The following KRT72 variants were observed in gnomAD, a reference collection of about 807,000 sequenced individuals.
The protein encoded by KRT72 is keratin 72.
In KRT72, 44 loss-of-function variants were observed where a neutral mutation model predicts 44.7. That is an observed-to-expected ratio of 0.98 (90% CI 0.77 to 1.27). The LOEUF (loss-of-function observed/expected upper bound fraction) is 1.27, where lower values mean the gene tolerates loss of function less well. KRT72 is among the 50% of genes most tolerant of loss of function. The pLI is 0.00. For synonymous variants in KRT72, 302 were observed against 280.4 expected (o/e 1.08, Z -0.77); for missense variants, 736 against 667.1 (o/e 1.10, Z -1.14).
chr12:52,602,244 G>T (rs1047441807), upstream of KRT72, among the ~76,000 whole-genome samples: 3 of 152,198 alleles, frequency 2.0e-5, no homozygotes, highest in Non-Finnish European at 4.4e-5. Context: ...GTTTCCTAAG[G>T]CTTTCGGTTG....
intron 7 of KRT72, 50 bp downstream of exon 7, chr12:52,587,581 C>T (rs747278068): frequency 1.0e-5 from 16 of 1,598,744 alleles, no homozygotes; most frequent in Non-Finnish European, 1.4e-5. Flanking sequence ...GAGCTTCCTA[C>T]CAAAGCAGAG....
In KRT72 at chr12:52,601,180, C is replaced by T; in HGVS notation, c.273G>A (p.Val91=). Residue 91 remains valine (V), a synonymous_variant, in exon 1 of 9, where the codon GTG becomes GTA. Coordinates refer to ENST00000293745, the MANE Select transcript of KRT72 (RefSeq NM_080747.3). ...SAGLGPKCPS[V]CPPGGIPQVT... is the part of the protein sequence containing the mutation. ...CCTGAGGGATGCCCCCGGGTGGGCA[C>T]ACGGAGGGACACTTGGGCCCCAGCC... The T allele has an allele frequency of 6.2e-7, 1 of 1,613,066 alleles. No homozygotes were observed. Among genetic ancestry groups the T allele is most frequent in the Non-Finnish European group, 8.5e-7 (1 of 1,179,444 alleles).
At chr12:52,589,434 A>T (rs190241082) in intron 6 of KRT72, among the ~76,000 whole-genome samples, 99 of 152,302 alleles carry the variant, frequency 6.5e-4, no homozygotes, top group African/African-American at 2.3e-3. Context: ...GAGTGGCCAC[A>T]CACACTGTCA....
intron 2 of KRT72, among the ~76,000 whole-genome samples, chr12:52,595,747 C>G (rs1183020363): frequency 2.6e-5 from 4 of 152,148 alleles, no homozygotes; most frequent in Non-Finnish European, 4.4e-5. Flanking sequence ...GTTTCCAGTT[C>G]TTTCTGATCC....
chr12:52,591,437 G>C lies in KRT72; in HGVS notation c.963+27C>G, dbSNP rs887993665. On this transcript the variant is annotated intron_variant, in intron 5 of 8. Coordinates refer to ENST00000293745, the MANE Select transcript of KRT72 (RefSeq NM_080747.3). ...AGAGGGTGCTAGCTGTGGCCAGTGGGACTCAGCACACCTGGCACCAGCTCA... is the reference window on the plus strand; with the variant it reads ...AGAGGGTGCTAGCTGTGGCCAGTGGCACTCAGCACACCTGGCACCAGCTCA... The C allele has an allele frequency of 1.9e-6, 3 of 1,607,600 alleles. No homozygotes were observed. In the African/African-American group the frequency reaches 4.0e-5, roughly 21 times the overall value.
chr12:52,601,252 G>GC lies in KRT72; in HGVS notation c.200dup (p.Gly68ArgfsTer110). The GC allele has an allele frequency of 6.4e-7, 1 of 1,564,146 alleles. No individual in the cohort carries two copies. ...CCACGAAGCCGCCCAGGCGGCCGCC[G>GC]CCCCGCCGTGCAGCAGCGCTGAGCG... is the stretch of plus-strand genomic sequence containing the variant. On this transcript the variant is annotated frameshift_variant, in exon 1 of 9. Transcript: ENST00000293745. LOFTEE classifies it high-confidence loss of function.
chr12:52,592,846 G>A (rs1940097749), intron 3 of KRT72, 46 bp downstream of exon 3: 2 of 1,544,832 alleles, frequency 1.3e-6, no homozygotes, highest in African/African-American at 1.4e-5. Context: ...ATTGTGCCAG[G>A]TGGTCAGGTC....
At chr12:52,591,298 C>G (rs938231707) in intron 5 of KRT72, among the ~76,000 whole-genome samples, 166 bp downstream of exon 5, 3 of 152,162 alleles carry the variant, frequency 2.0e-5, no homozygotes, top group African/African-American at 7.2e-5. Flanking sequence ...TCCCTTACCC[C>G]TGGGGTGGCA....
At chr12:52,598,816 C>G in intron 2 of KRT72, 82 bp downstream of exon 2, 1 of 1,275,034 alleles carries the variant, frequency 7.8e-7, no homozygotes, top group African/African-American at 1.5e-5. Context: ...GCAAGGATCT[C>G]AGAAGCAAAA....
intron 6 of KRT72, 111 bp from the exon 7 acceptor site, chr12:52,587,962 C>T (rs1939847469): frequency 2.8e-6 from 3 of 1,074,538 alleles, no homozygotes; most frequent in Non-Finnish European, 2.7e-6. Flanking sequence ...TGGAGATCCT[C>T]CTGGTTTATC....
At chr12:52,587,088 A>T in intron 7 of KRT72, 108 bp from the exon 8 acceptor site, 1 of 1,004,128 alleles carries the variant, frequency 1.0e-6, no homozygotes, top group Middle Eastern at 2.0e-4. Flanking sequence ...GCCTTCCCAA[A>T]CCCATCCTAG....
chr12:52,591,693 C>T, intron 4 of KRT72, 65 bp from the exon 5 acceptor site: 2 of 1,483,436 alleles, frequency 1.3e-6, no homozygotes, highest in Non-Finnish European at 1.8e-6. Context: ...TCTCTTGGTC[C>T]TCCCTGGGCA....
chr12:52,602,855 G>A (rs972876036), upstream of KRT72, among the ~76,000 whole-genome samples: 37 of 152,332 alleles, frequency 2.4e-4, no homozygotes, highest in African/African-American at 7.9e-4. Context: ...CTGGGCCAAT[G>A]ACAGGACATA....
intron 2 of KRT72, among the ~76,000 whole-genome samples, chr12:52,597,780 C>T (rs1323701205): frequency 6.6e-6 from 1 of 152,162 alleles, no homozygotes; most frequent in Middle Eastern, 3.2e-3. Flanking sequence ...TGGCATTATC[C>T]TCTCAATAGC....
chr12:52,596,765 G>A (rs1471672621), intron 2 of KRT72, among the ~76,000 whole-genome samples: 2 of 151,874 alleles, frequency 1.3e-5, no homozygotes, highest in African/African-American at 4.8e-5. Context: ...TTGGCCAGCT[G>A]GCCTCGAACT....
Position 52,601,050 on chromosome 12 carries a change from T to G in KRT72, c.403A>C (p.Lys135Gln), listed in dbSNP as rs779297946. 1 of 1,611,186 alleles carries G rather than the reference T, an allele frequency of 6.2e-7. No homozygotes were observed. Among genetic ancestry groups the G allele is most frequent in the Non-Finnish European group, 8.5e-7 (1 of 1,179,218 alleles). ...EREQIKALNN[K>Q]FASFIDKVRF... The stretch of plus-strand genomic sequence containing the variant: ...ACCTTGTCGATGAAGGAGGCGAACT[T>G]GTTGTTTAGCGCCTTGATCTGCTCC... The change falls in exon 1 of 9, where the codon AAG (lysine) becomes CAG (glutamine). Residue 135 changes from lysine (K) to glutamine (Q), a missense_variant. Physicochemically the swap from Lys to Gln is moderately conservative, Grantham distance 53. Coordinates refer to ENST00000293745, the MANE Select transcript of KRT72 (RefSeq NM_080747.3).
intron 1 of KRT72, among the ~76,000 whole-genome samples, chr12:52,600,515 G>A (rs57063764): frequency 0.014 from 2,106 of 152,272 alleles, 35 homozygotes; most frequent in African/African-American, 0.048. Flanking sequence ...GGGACCCAGG[G>A]GGGAGGTAAA....
chr12:52,586,201 C>T, intron 8 of KRT72, 29 bp from the exon 9 acceptor site: 1 of 1,595,158 alleles, frequency 6.3e-7, no homozygotes, highest in Non-Finnish European at 8.6e-7. Context: ...GACCTCAGCC[C>T]CCGTCAGCTC....
chr12:52,587,021 A>G (rs1412799141), intron 7 of KRT72, 41 bp from the exon 8 acceptor site: 1 of 1,595,584 alleles, frequency 6.3e-7, no homozygotes, highest in East Asian at 2.2e-5. Context: ...CCCCATAAAT[A>G]ATCACCCCAA....
Sources: gnomAD v4.1 joint callset for allele counts (sites outside exome capture counted in the v4.1 genomes callset) on GRCh38, gnomAD v4.1.1 for gene constraint, MANE v1.5 for transcripts, NCBI Gene and HGNC (gene_info 2026-07-23, HGNC 2026-07-21) for gene names.